Variants in OFD1 observed in about 807,000 individuals in gnomAD.
OFD1 encodes OFD1 centriole and centriolar satellite protein.
A neutral mutation model predicts 81.4 loss-of-function variants in OFD1; 12 were observed. The ratio of observed to expected loss-of-function variants is 0.15; its 90% CI spans 0.09 to 0.24. The LOEUF (loss-of-function observed/expected upper bound fraction) is 0.24. OFD1 is among the 10% of genes least tolerant of loss of function. The pLI is 1.00. For missense variants in OFD1, 685 were observed against 733.9 expected (o/e 0.93, Z 0.77); for synonymous variants, 256 against 263.7 (o/e 0.97, Z 0.28).
intron 3 of OFD1, 93 bp downstream of exon 3, chrX:13,736,771 G>T (rs879191260): frequency 1.6e-6 from 1 of 628,159 alleles, no homozygotes; most frequent in Non-Finnish European, 2.6e-6. Context: ...AGTGCTCCTC[G>T]ACTAGGTCCA....
intron 9 of OFD1, among the ~76,000 whole-genome samples, chrX:13,750,541 C>T (rs2047463871): frequency 8.9e-6 from 1 of 112,346 alleles, no homozygotes; most frequent in Non-Finnish European, 1.9e-5. Flanking sequence ...ACTATGAAGA[C>T]CATTCTATTC....
chrX:13,769,354 C>T lies in OFD1; in HGVS notation c.*246C>T. On this transcript the variant is annotated 3_prime_UTR_variant, in exon 23 of 23. Transcript: ENST00000340096. ...TATAATAAAAGTAACTGGCTTTTAA[C>T]CTCCTTATTTTTGTCTTAAATTTAT... is the stretch of plus-strand genomic sequence containing the variant. 1 of 364,882 alleles carries T rather than the reference C, an allele frequency of 2.7e-6. No individual in the cohort carries two copies. The highest frequency in any genetic ancestry group is 4.8e-6 in the Non-Finnish European group (1 of 208,242). 30.1% of individuals were successfully genotyped at this position (364,882 alleles called of 1,213,427 possible). A position where few individuals can be genotyped will look rare whatever the true frequency, so the allele number is the denominator to read the frequency against.
chrX:13,762,717 A>T (rs2047983052), intron 18 of OFD1, among the ~76,000 whole-genome samples: 1 of 112,520 alleles, frequency 8.9e-6, no homozygotes, highest in Admixed American at 9.4e-5. Flanking sequence ...GATTTTAAAT[A>T]AGTGATTTTT....
At chrX:13,747,536 G>A (rs1469100649) in intron 8 of OFD1, among the ~76,000 whole-genome samples, 3 of 111,888 alleles carry the variant, frequency 2.7e-5, no homozygotes, top group Non-Finnish European at 5.6e-5. Flanking sequence ...CTACTTAATC[G>A]AAGATTCTGG....
rs373792491 is a variant in OFD1, at chrX:13,758,428, A to G, written c.1634A>G (p.Gln545Arg). Residue 545 changes from glutamine to arginine, a missense_variant, in exon 15 of 23, where the codon CAA (glutamine) becomes CGA (arginine). By Grantham distance (43) the Gln-to-Arg change is conservative. This residue lies in a region of OFD1 where 414 missense variants were observed against 447.2 expected (regional missense o/e 0.93). Transcript: ENST00000340096. ...ACTCAGGTTGCCGATTTAAAATTGC[A>G]ACTGAAGCAAACTCAGACAGGTTAG... ...LTTQVADLKL[Q>R]LKQTQTALEN... 4.1e-5 allele frequency: 48 copies of G among 1,168,999 alleles called. No individual in the cohort carries two copies. The highest frequency in any genetic ancestry group is 6.6e-5 in the Admixed American group (3 of 45,677).
rs1253138718 is a variant in OFD1 at position 13,757,803 on chromosome X, C to T, written c.1542+13C>T. 29 of 1,206,868 alleles carry T rather than the reference C, an allele frequency of 2.4e-5. No homozygotes were observed. The highest frequency in any genetic ancestry group is 1.2e-4 in the African/African-American group (7 of 57,085). ...ACTGCAAGACGAAGTGAGTATTGCTCTTCTTCAGTTCTAGTGTGATACCAG... is the reference window on the plus strand; with the variant it reads ...ACTGCAAGACGAAGTGAGTATTGCTTTTCTTCAGTTCTAGTGTGATACCAG... On this transcript the variant is annotated intron_variant, in intron 14 of 22. Transcript: ENST00000340096.
At chrX:13,715,175 T>C in the OFD1 span, among the ~76,000 whole-genome samples, 2 of 113,007 alleles carry the variant, frequency 1.8e-5, no homozygotes, top group Non-Finnish European at 3.7e-5. Context: ...CTTATTTAAA[T>C]TATTAAAAAC....
At chrX:13,745,062 G>A (rs147446394) in intron 6 of OFD1, among the ~76,000 whole-genome samples, 52 of 112,038 alleles carry the variant, frequency 4.6e-4, no homozygotes, top group Admixed American at 1.7e-3. Flanking sequence ...TGTCAGTTTC[G>A]TGCTCAGTAG....
chrX:13,722,208 C>CAGAAAAAAAAAAAAAAAAAAAA, the OFD1 span: 1 of 36,116 alleles, frequency 2.8e-5, no homozygotes, highest in Non-Finnish European at 5.1e-5. Flanking sequence ...TAAGCAGCAG[C>CAGAAAAAAAAAAAAAAAAAAAA]AAAAAAAAAA....
chrX:13,773,181 G>A (rs974262738), downstream of OFD1: 2 of 418,385 alleles, frequency 4.8e-6, no homozygotes, highest in Non-Finnish European at 8.0e-6. Flanking sequence ...GTCAGATCCT[G>A]AAAGCATGCT....
chrX:13,739,999 C>G (rs761414881), intron 5 of OFD1: 5 of 913,289 alleles, frequency 5.5e-6, no homozygotes, highest in Non-Finnish European at 6.9e-6. Context: ...GTTGCCTGCA[C>G]TATCATCCCC....
rs2047535050 is a variant in OFD1 at position 13,752,344 on chromosome X, A to AT, written c.1055+979dup. ...GGCACATAAAAAGTGCTCAGTTAAT[A>AT]TTTGTTGTAAATGTGTCACGAGGAA... On this transcript the variant is annotated intron_variant, in intron 10 of 22. Coordinates refer to ENST00000340096, the MANE Select transcript of OFD1 (RefSeq NM_003611.3). Among the ~76,000 whole-genome samples, 3 of 112,228 alleles carry AT rather than the reference A, an allele frequency of 2.7e-5. No homozygotes were observed. The Admixed American group carries it at 2.8e-4, about 11-fold the overall frequency.
At chrX:13,752,749 A>T (rs2047552850) in intron 10 of OFD1, 1 of 970,095 alleles carries the variant, frequency 1.0e-6, no homozygotes, top group African/African-American at 2.0e-5. Flanking sequence ...GAATCCTCAT[A>T]TGACTTTGGC....
chrX:13,736,142 C>T (rs937697172), intron 2 of OFD1: 14 of 855,637 alleles, frequency 1.6e-5, no homozygotes, highest in Non-Finnish European at 2.0e-5. Flanking sequence ...AGAATTTTTT[C>T]CTATACTTAA....
At chrX:13,754,570 C>T (rs1474823916) in intron 11 of OFD1, among the ~76,000 whole-genome samples, 1 of 110,450 alleles carries the variant, frequency 9.1e-6, no homozygotes, top group Non-Finnish European at 1.9e-5. Flanking sequence ...GTGTGCGCCA[C>T]CATGCCTGGC....
At chrX:13,726,127 G>C in the OFD1 span, among the ~76,000 whole-genome samples, 1 of 112,257 alleles carries the variant, frequency 8.9e-6, no homozygotes, top group Non-Finnish European at 1.9e-5. Flanking sequence ...CCAAATCTAC[G>C]TTTGACTGGT....
Position 13,746,390 on chromosome X carries a change from G to C in OFD1, c.589G>C (p.Glu197Gln). ...TCAGCGTATCAAGTTCGAATCTTTA[G>C]AAATAAAGCTAAATGAGTATAAGAG... ...YPQRIKFESL[E>Q]IKLNEYKREI... Residue 197 changes from glutamate to glutamine, a missense_variant, in exon 7 of 23, where the codon GAA (glutamate) becomes CAA (glutamine). By Grantham distance (29) the Glu-to-Gln change is conservative (BLOSUM62 2). This residue lies in a region of OFD1 where 414 missense variants were observed against 447.2 expected (regional missense o/e 0.93). Transcript: ENST00000340096. 8.3e-7 allele frequency: 1 copy of C among 1,206,972 alleles called. No individual in the cohort carries two copies. The highest frequency in any genetic ancestry group is 1.8e-5 in the South Asian group (1 of 56,882).
chrX:13,716,404 T>C, the OFD1 span: 3 of 851,765 alleles, frequency 3.5e-6, no homozygotes, highest in Non-Finnish European at 5.0e-6. Flanking sequence ...AGTAGCCCCA[T>C]AAATGGAAAC....
At chrX:13,748,577 A>G (rs1259414612) in intron 8 of OFD1, among the ~76,000 whole-genome samples, 2 of 112,052 alleles carry the variant, frequency 1.8e-5, no homozygotes, top group African/African-American at 3.2e-5. Context: ...TTTTATATCC[A>G]GTTCCCAGTA....
Sources: allele counts gnomAD v4.1 joint callset (sites outside exome capture counted in the v4.1 genomes callset), GRCh38; gene constraint gnomAD v4.1.1; regional missense constraint gnomAD v4.1.1; transcripts MANE v1.5; gene names NCBI Gene and HGNC (gene_info 2026-07-23, HGNC 2026-07-21).